PINX1: variants seen among roughly 807,000 people sequenced by gnomAD.
The protein encoded by PINX1 is PIN2/TERF1-interacting telomerase inhibitor 1.
PINX1 carries 34 observed loss-of-function variants against 25.4 expected under a neutral mutation model. The ratio of observed to expected loss-of-function variants is 1.34; its 90% CI spans 1.02 to 1.78. The LOEUF (loss-of-function observed/expected upper bound fraction) is 1.78, where lower values mean the gene tolerates loss of function less well. PINX1 is among the 40% of genes most tolerant of loss of function. The pLI, the probability that PINX1 is intolerant of heterozygous loss-of-function variation, is 0.00. For missense variants in PINX1, 592 were observed against 404.9 expected (o/e 1.46, Z -3.97); for synonymous variants, 197 against 147.7 (o/e 1.33, Z -2.42).
At chr8:10,827,263 G>A (rs542746513) in intron 4 of PINX1, among the ~76,000 whole-genome samples, 1 of 152,322 alleles carries the variant, frequency 6.6e-6, no homozygotes, top group African/African-American at 2.4e-5. Context: ...ACGATTAGGT[G>A]ACGCATGGAG....
chr8:10,795,738 T>A (rs1183815018), intron 6 of PINX1, among the ~76,000 whole-genome samples: 1 of 152,220 alleles, frequency 6.6e-6, no homozygotes, highest in African/African-American at 2.4e-5. Context: ...TCTCAAAGCA[T>A]ACTGTATTAC....
At chr8:10,812,723 C>G (rs747125778) in intron 6 of PINX1, among the ~76,000 whole-genome samples, 15 of 152,200 alleles carry the variant, frequency 9.9e-5, no homozygotes, top group Non-Finnish European at 1.2e-4. Flanking sequence ...GACACCCAGG[C>G]CCGCACAGAG....
rs528578969 is a variant in PINX1 at position 10,775,117 on chromosome 8, T to A, written c.472-9201A>T. Among the ~76,000 whole-genome samples, 10 of 152,336 alleles carry A rather than the reference T, an allele frequency of 6.6e-5. No individual in the cohort carries two copies. The South Asian group carries it at 2.1e-3, about 32-fold the overall frequency. On this transcript the variant is annotated intron_variant, in intron 6 of 6. Coordinates refer to ENST00000314787, the MANE Select transcript of PINX1 (RefSeq NM_017884.6). ...CCAAGGAGCTCATAAAAAATAAAAA[T>A]TGTTACTGCTATTAAATATATAATC... is the stretch of plus-strand genomic sequence containing the variant.
At chr8:10,768,820 C>G (rs1312186089) in intron 6 of PINX1, among the ~76,000 whole-genome samples, 1 of 152,214 alleles carries the variant, frequency 6.6e-6, no homozygotes, top group Non-Finnish European at 1.5e-5. Context: ...GCATTCTTGA[C>G]CATGGCATCA....
At chr8:10,792,974 C>G (rs1801970440) in intron 6 of PINX1, among the ~76,000 whole-genome samples, 1 of 152,174 alleles carries the variant, frequency 6.6e-6, no homozygotes, top group Non-Finnish European at 1.5e-5. Flanking sequence ...CAGCCCTTGT[C>G]CAGACTGTCT....
At chr8:10,814,409 T>G (rs1373743207) in intron 6 of PINX1, among the ~76,000 whole-genome samples, 1 of 152,130 alleles carries the variant, frequency 6.6e-6, no homozygotes, top group Non-Finnish European at 1.5e-5. Flanking sequence ...ACCAATGAAG[T>G]CAGAGGAGAG....
intron 1 of PINX1, among the ~76,000 whole-genome samples, chr8:10,837,913 C>G (rs1439300075): frequency 6.6e-6 from 1 of 152,206 alleles, no homozygotes; most frequent in African/African-American, 2.4e-5. Flanking sequence ...GGAACTGCAA[C>G]CTACGTTAGA....
chr8:10,773,502 AG>A (rs1182610172), intron 6 of PINX1, among the ~76,000 whole-genome samples: 1 of 152,228 alleles, frequency 6.6e-6, no homozygotes, highest in African/African-American at 2.4e-5. Context: ...TCCGCTTGGA[AG>A]TTACAAACTC....
At chr8:10,813,675 C>T (rs1797605638) in intron 6 of PINX1, among the ~76,000 whole-genome samples, 1 of 152,140 alleles carries the variant, frequency 6.6e-6, no homozygotes, top group Non-Finnish European at 1.5e-5. Context: ...GAGAGTGAAA[C>T]TCTCATGAGG....
chr8:10,775,695 A>C (rs1303229450), intron 6 of PINX1, among the ~76,000 whole-genome samples: 19 of 152,202 alleles, frequency 1.2e-4, no homozygotes, highest in African/African-American at 4.6e-4. Context: ...AATTTAAGAT[A>C]GTATAAGTGG....
At chr8:10,820,879 A>G (rs1797846209) in intron 5 of PINX1, among the ~76,000 whole-genome samples, 1 of 152,220 alleles carries the variant, frequency 6.6e-6, no homozygotes, top group African/African-American at 2.4e-5. Flanking sequence ...TGCTCTAGCT[A>G]TATTGTCTCT....
intron 6 of PINX1, among the ~76,000 whole-genome samples, chr8:10,812,169 T>C (rs182755133): frequency 1.3e-5 from 2 of 152,360 alleles, no homozygotes; most frequent in East Asian, 3.9e-4. Flanking sequence ...CTGAAGTCTA[T>C]TTGATCTCTT....
At chr8:10,808,117 T>C (rs1437043957) in intron 6 of PINX1, among the ~76,000 whole-genome samples, 2 of 152,196 alleles carry the variant, frequency 1.3e-5, no homozygotes, top group African/African-American at 4.8e-5. Flanking sequence ...CTTAGCAGGG[T>C]ACGATATTTA....
intron 6 of PINX1, 39 bp downstream of exon 6, chr8:10,820,151 CAGT>C: frequency 8.2e-7 from 1 of 1,223,562 alleles, no homozygotes; most frequent in Non-Finnish European, 1.2e-6. Context: ...GAAAATCAGA[CAGT>C]ATTAAAGCGG....
intron 6 of PINX1, among the ~76,000 whole-genome samples, chr8:10,776,571 A>G (rs1391373959): frequency 6.6e-6 from 1 of 152,122 alleles, no homozygotes; most frequent in African/African-American, 2.4e-5. Context: ...CAGCCAACCA[A>G]TTTCTTCCAA....
At chr8:10,797,876 T>TACACTAA (rs1437821063) in intron 6 of PINX1, among the ~76,000 whole-genome samples, 5 of 152,238 alleles carry the variant, frequency 3.3e-5, no homozygotes, top group African/African-American at 1.2e-4. Context: ...AGAAGAAATC[T>TACACTAA]ACACTAACAC....
intron 6 of PINX1, among the ~76,000 whole-genome samples, chr8:10,812,798 A>ACAGCCTCCCTGACACCGCC (rs538561579): frequency 9.2e-5 from 14 of 152,206 alleles, no homozygotes; most frequent in African/African-American, 2.2e-4. Context: ...GCAAGTGGGC[A>ACAGCCTCCCTGACACCGCC]CAGCCTCCCT....
rs140220784 is a variant in PINX1 at position 10,778,364 on chromosome 8, G to A, written c.472-12448C>T. 3.9e-3 allele frequency among the ~76,000 whole-genome samples: 600 copies of A among 151,994 alleles called. 3 individuals are homozygous for A. The highest frequency in any genetic ancestry group is 0.014 in the African/African-American group (575 of 41,474). On this transcript the variant is annotated intron_variant, in intron 6 of 6. Coordinates refer to ENST00000314787, the MANE Select transcript of PINX1 (RefSeq NM_017884.6). ...CAGGTTGAACATCCCTCTCGTTTTT[G>A]CAAATTGTTGTCGATGAAACCAAAT...
intron 6 of PINX1, among the ~76,000 whole-genome samples, chr8:10,776,202 G>C (rs191348263): frequency 6.6e-6 from 1 of 152,094 alleles, no homozygotes; most frequent in Non-Finnish European, 1.5e-5. Flanking sequence ...GAGGCAGGTG[G>C]ATCACCTAAG....
Sources: allele counts gnomAD v4.1 joint callset (sites outside exome capture counted in the v4.1 genomes callset), GRCh38; gene constraint gnomAD v4.1.1; transcripts MANE v1.5; gene names NCBI Gene and HGNC (gene_info 2026-07-23, HGNC 2026-07-21).